MARCHF8: variants seen among roughly 807,000 people sequenced by gnomAD.
MARCHF8 encodes the protein membrane associated ring-CH-type finger 8.
Under a neutral mutation model 51.6 loss-of-function variants are expected in MARCHF8, and 40 were observed. The ratio of observed to expected loss-of-function variants is 0.77; its 90% CI spans 0.60 to 1.01. The LOEUF (loss-of-function observed/expected upper bound fraction) is 1.01, where lower values mean the gene tolerates loss of function less well. Among genes scored for constraint, MARCHF8 ranks in the 50% least tolerant of loss-of-function variants. MARCHF8 has a pLI of 0.00. For synonymous variants in MARCHF8, 263 were observed against 280.3 expected (o/e 0.94, Z 0.62); for missense variants, 685 against 708.6 (o/e 0.97, Z 0.38).
chr10:45,526,630 A>G (rs978196045), intron 2 of MARCHF8, among the ~76,000 whole-genome samples: 7 of 152,164 alleles, frequency 4.6e-5, no homozygotes, highest in Non-Finnish European at 7.3e-5. Flanking sequence ...TCTTATTTAT[A>G]AATTACCCAG....
At chr10:45,474,781 C>A (rs923560619) in intron 3 of MARCHF8, among the ~76,000 whole-genome samples, 2 of 152,136 alleles carry the variant, frequency 1.3e-5, no homozygotes, top group African/African-American at 4.8e-5. Context: ...GGCAGTCAGG[C>A]AAGGCAGCCA....
intron 2 of MARCHF8, among the ~76,000 whole-genome samples, chr10:45,503,889 ATGAT>A (rs1436190185): frequency 6.6e-6 from 1 of 151,896 alleles, no homozygotes; most frequent in Non-Finnish European, 1.5e-5. Flanking sequence ...CATATATTAT[ATGAT>A]TCCATCTATA....
intron 2 of MARCHF8, among the ~76,000 whole-genome samples, chr10:45,526,064 T>C (rs2043788488): frequency 6.6e-6 from 1 of 152,200 alleles, no homozygotes; most frequent in Non-Finnish European, 1.5e-5. Flanking sequence ...CTAACTATGA[T>C]GAATGCAGCA....
chr10:45,572,135 T>C (rs2044436523), intron 1 of MARCHF8, among the ~76,000 whole-genome samples: 1 of 140,844 alleles, frequency 7.1e-6, no homozygotes, highest in Non-Finnish European at 1.6e-5. Flanking sequence ...TCCCCACCCC[T>C]TCTCCACTTT....
At chr10:45,476,668 A>C (rs769142710) in intron 3 of MARCHF8, among the ~76,000 whole-genome samples, 6 of 152,230 alleles carry the variant, frequency 3.9e-5, no homozygotes, top group Non-Finnish European at 8.8e-5. Flanking sequence ...TATAAAAAAA[A>C]AAACAAACAG....
chr10:45,526,172 A>G (rs2043790133), intron 2 of MARCHF8, among the ~76,000 whole-genome samples: 1 of 152,212 alleles, frequency 6.6e-6, no homozygotes, highest in African/African-American at 2.4e-5. Flanking sequence ...GGAAAGCTCC[A>G]AAACGGCGAG....
At chr10:45,490,394 G>C (rs2043059955) in intron 2 of MARCHF8, among the ~76,000 whole-genome samples, 1 of 152,156 alleles carries the variant, frequency 6.6e-6, no homozygotes, top group Non-Finnish European at 1.5e-5. Context: ...TGTAATAAGA[G>C]GAGTTTGTGA....
At chr10:45,587,308 A>C (rs1454604711) in intron 1 of MARCHF8, among the ~76,000 whole-genome samples, 1 of 130,422 alleles carries the variant, frequency 7.7e-6, no homozygotes, top group Non-Finnish European at 1.6e-5. Flanking sequence ...AATACTTGAG[A>C]AATGATTTTT....
intron 1 of MARCHF8, among the ~76,000 whole-genome samples, chr10:45,591,736 T>C (rs1357827354): frequency 6.6e-6 from 1 of 151,146 alleles, no homozygotes; most frequent in Non-Finnish European, 1.5e-5. Flanking sequence ...AGCATCACAG[T>C]GAACCAAACA....
chr10:45,516,585 G>C (rs542761747), intron 2 of MARCHF8, among the ~76,000 whole-genome samples: 12 of 152,166 alleles, frequency 7.9e-5, no homozygotes, highest in African/African-American at 2.9e-4. Context: ...ACAATACAGC[G>C]AAACCCTATT....
chr10:45,478,513 T>C (rs1042279004), intron 3 of MARCHF8, among the ~76,000 whole-genome samples: 8 of 142,826 alleles, frequency 5.6e-5, no homozygotes, highest in Non-Finnish European at 1.1e-4. Flanking sequence ...AAATCCAAAA[T>C]TAGTAAAAGA....
intron 3 of MARCHF8, among the ~76,000 whole-genome samples, chr10:45,476,342 T>C (rs1269972164): frequency 1.3e-5 from 2 of 152,226 alleles, no homozygotes; most frequent in Non-Finnish European, 1.5e-5. Flanking sequence ...GGCATGAGGA[T>C]TGCTTGAGGC....
At chr10:45,472,353 C>G (rs17157852) in intron 3 of MARCHF8, among the ~76,000 whole-genome samples, 9,433 of 152,314 alleles carry the variant, frequency 0.062, 330 homozygotes, top group Non-Finnish European at 0.067. Context: ...CTGGTACACA[C>G]TAGGTGTTTA....
At chr10:45,506,265 G>C (rs1231902707) in intron 2 of MARCHF8, among the ~76,000 whole-genome samples, 2 of 152,172 alleles carry the variant, frequency 1.3e-5, no homozygotes, top group African/African-American at 4.8e-5. Flanking sequence ...AATGGGACCA[G>C]TTTAATATTT....
At chr10:45,484,557 A>G (rs965853691) in intron 3 of MARCHF8, among the ~76,000 whole-genome samples, 6 of 152,236 alleles carry the variant, frequency 3.9e-5, no homozygotes, top group East Asian at 1.9e-4. Flanking sequence ...TTCTAAAAAT[A>G]TAAGATTTTC....
intron 3 of MARCHF8, among the ~76,000 whole-genome samples, chr10:45,482,842 C>T (rs2042912188): frequency 6.6e-6 from 1 of 152,168 alleles, no homozygotes; most frequent in African/African-American, 2.4e-5. Flanking sequence ...AATCCACGTA[C>T]TTACTGCGAA....
At position 45,457,116 on chromosome 10, in the gene MARCHF8, C is replaced by G. The variant is rs1842629460; in HGVS notation, c.*1123G>C. 1 of 152,302 alleles carries G rather than the reference C, an allele frequency of 6.6e-6. No homozygotes were observed. Among genetic ancestry groups the G allele is most frequent in the Non-Finnish European group, 1.5e-5 (1 of 68,072 alleles). The allele number at this position is 152,302 out of a possible 1,614,324, so 9.4% of individuals were successfully genotyped here. A position where few individuals can be genotyped will look rare whatever the true frequency, so the allele number is the denominator to read the frequency against. ...AGTGGGCCAGCACCCATCTTGCATG[C>G]AAGGGAGAACCTGCATGCAGTGCAC... On this transcript the variant is annotated 3_prime_UTR_variant, in exon 8 of 8. Transcript: ENST00000453424.
In MARCHF8 at chr10:45,457,787, T is replaced by A. The variant is rs1696545235; in HGVS notation, c.*452A>T. 1 of 158,236 alleles carries A rather than the reference T, an allele frequency of 6.3e-6. No individual in the cohort carries two copies. Among genetic ancestry groups the A allele is most frequent in the African/African-American group, 2.4e-5 (1 of 41,566 alleles). The allele number at this position is 158,236 out of a possible 1,614,324, so 9.8% of individuals were successfully genotyped here. A position where few individuals can be genotyped will look rare whatever the true frequency, so the allele number is the denominator to read the frequency against. On this transcript the variant is annotated 3_prime_UTR_variant, in exon 8 of 8. Coordinates refer to ENST00000453424, the MANE Select transcript of MARCHF8 (RefSeq NM_001282866.2). ...TGTTTGGGGGTCTGTTTCAATACCA[T>A]CTCCTGGGGTTCGCCGTGATGCAGA...
chr10:45,499,288 T>C (rs1728323974), intron 2 of MARCHF8, among the ~76,000 whole-genome samples: 1 of 152,190 alleles, frequency 6.6e-6, no homozygotes, highest in African/African-American at 2.4e-5. Context: ...AGAATCAGAT[T>C]ATTTGTTGCT....
Sources: allele counts gnomAD v4.1 joint callset (sites outside exome capture counted in the v4.1 genomes callset), GRCh38; gene constraint gnomAD v4.1.1; transcripts MANE v1.5; gene names NCBI Gene and HGNC (gene_info 2026-07-23, HGNC 2026-07-21).